The following ST6GALNAC5 variants were observed in gnomAD, a reference collection of about 807,000 sequenced individuals.
ST6GALNAC5 encodes alpha-N-acetylgalactosaminide alpha-2,6-sialyltransferase 5.
ST6GALNAC5 carries 27 observed loss-of-function variants against 33.6 expected under a neutral mutation model. The observed-to-expected ratio is 0.80, with a 90% CI of 0.59 to 1.11. ST6GALNAC5 has a LOEUF of 1.11. ST6GALNAC5 is among the 50% of genes least tolerant of loss of function. The pLI, the probability that ST6GALNAC5 is intolerant of heterozygous loss-of-function variation, is 0.00. For missense variants in ST6GALNAC5, 428 were observed against 454.0 expected (o/e 0.94, Z 0.52); for synonymous variants, 194 against 171.2 (o/e 1.13, Z -1.04).
chr1:76,879,653 C>G (rs1010567806), intron 2 of ST6GALNAC5, among the ~76,000 whole-genome samples: 1 of 152,100 alleles, frequency 6.6e-6, no homozygotes, highest in African/African-American at 2.4e-5. Flanking sequence ...CTCAGGGAGG[C>G]CATCACTGTT....
At chr1:76,878,117 A>G (rs763534295) in intron 2 of ST6GALNAC5, among the ~76,000 whole-genome samples, 8 of 152,196 alleles carry the variant, frequency 5.3e-5, no homozygotes, top group Non-Finnish European at 8.8e-5. Context: ...CCACCTCTGC[A>G]TCTTTCAAGT....
chr1:76,872,824 T>C (rs893590411), intron 2 of ST6GALNAC5, among the ~76,000 whole-genome samples: 1 of 152,158 alleles, frequency 6.6e-6, no homozygotes, highest in Non-Finnish European at 1.5e-5. Context: ...TATTATAAGA[T>C]GTAATCTGCC....
chr1:76,904,213 A>T (rs1035003999), intron 2 of ST6GALNAC5, among the ~76,000 whole-genome samples: 1 of 152,154 alleles, frequency 6.6e-6, no homozygotes, highest in Non-Finnish European at 1.5e-5. Context: ...AGAAGGGTGA[A>T]AGTCTACTAC....
At chr1:77,048,896 T>A (rs1458298710) in intron 3 of ST6GALNAC5, among the ~76,000 whole-genome samples, 1 of 152,188 alleles carries the variant, frequency 6.6e-6, no homozygotes, top group Non-Finnish European at 1.5e-5. Flanking sequence ...AACAATAACT[T>A]GCCTCAGGTC....
intron 2 of ST6GALNAC5, among the ~76,000 whole-genome samples, chr1:76,903,378 TAAC>T (rs992286774): frequency 1.1e-4 from 16 of 152,116 alleles, no homozygotes; most frequent in African/African-American, 3.6e-4. Flanking sequence ...GAAAAAAATA[TAAC>T]AACAACTTTT....
intron 2 of ST6GALNAC5, among the ~76,000 whole-genome samples, chr1:76,874,730 T>C (rs983812056): frequency 1.4e-4 from 21 of 152,136 alleles, no homozygotes; most frequent in African/African-American, 5.1e-4. Flanking sequence ...GACTCAAATG[T>C]TAATCCCTTT....
chr1:77,063,253 C>G lies in ST6GALNAC5; in HGVS notation c.*47C>G, dbSNP rs749506907. On this transcript the variant is annotated 3_prime_UTR_variant, in exon 5 of 5. Coordinates refer to ENST00000477717, the MANE Select transcript of ST6GALNAC5 (RefSeq NM_030965.3). ...AATCCCAGGTATTCACTGCATCAGACACCGAGACACTGAACTTCCTGAGCC... is the reference window on the plus strand; with the variant it reads ...AATCCCAGGTATTCACTGCATCAGAGACCGAGACACTGAACTTCCTGAGCC... 8.4e-6 allele frequency: 13 copies of G among 1,545,384 alleles called. No individual in the cohort carries two copies. The East Asian group carries it at 2.9e-4, about 35-fold the overall frequency.
intron 2 of ST6GALNAC5, among the ~76,000 whole-genome samples, chr1:76,974,340 G>T (rs1254195176): frequency 6.6e-6 from 1 of 150,966 alleles, no homozygotes; most frequent in Non-Finnish European, 1.5e-5. Flanking sequence ...CAAGTAACTA[G>T]GATTATAGAC....
At chr1:76,922,799 G>A (rs1213780970) in intron 2 of ST6GALNAC5, among the ~76,000 whole-genome samples, 1 of 151,974 alleles carries the variant, frequency 6.6e-6, no homozygotes, top group Non-Finnish European at 1.5e-5. Context: ...AGCTGGGTAT[G>A]GTGACACGCA....
intron 2 of ST6GALNAC5, among the ~76,000 whole-genome samples, chr1:76,949,799 T>C (rs1440458870): frequency 6.6e-6 from 1 of 152,132 alleles, no homozygotes; most frequent in Admixed American, 6.6e-5. Context: ...TTTTCGTTTT[T>C]TTCTATAACT....
chr1:76,943,044 AAATTC>A (rs938369519), intron 2 of ST6GALNAC5, among the ~76,000 whole-genome samples: 13 of 152,080 alleles, frequency 8.5e-5, no homozygotes, highest in Admixed American at 7.9e-4. Context: ...CTTGACTAAC[AAATTC>A]CCATTCTTTC....
In ST6GALNAC5 at chr1:77,067,157, C is replaced by T. The variant is rs1652806205; in HGVS notation, c.*3951C>T. On this transcript the variant is annotated 3_prime_UTR_variant, in exon 5 of 5. Transcript: ENST00000477717. Reference sequence around the variant, plus strand: ...TCAAAGAGAACTATAATAATAAGCCCTGGGGGGCAGGATGTGTGAACCAAT... The same window carrying T: ...TCAAAGAGAACTATAATAATAAGCCTTGGGGGGCAGGATGTGTGAACCAAT... Among the ~76,000 whole-genome samples, 1 of 125,202 alleles carries T rather than the reference C, an allele frequency of 8.0e-6. No homozygotes were observed. Among genetic ancestry groups the T allele is most frequent in the Admixed American group, 8.5e-5 (1 of 11,784 alleles). The allele number at this position is 125,202 out of a possible 152,430, so 82.1% of individuals were successfully genotyped here.
At chr1:77,048,296 G>T (rs189611723) in intron 3 of ST6GALNAC5, among the ~76,000 whole-genome samples, 3 of 152,154 alleles carry the variant, frequency 2.0e-5, no homozygotes, top group Non-Finnish European at 4.4e-5. Context: ...GGGAATATAA[G>T]TGTGATTCCC....
chr1:76,975,717 A>G (rs1259336982), intron 2 of ST6GALNAC5, among the ~76,000 whole-genome samples: 2 of 152,238 alleles, frequency 1.3e-5, no homozygotes, highest in Non-Finnish European at 2.9e-5. Flanking sequence ...TAAACATGAG[A>G]AAATTTAAAT....
At chr1:76,937,738 G>T (rs1647226394) in intron 2 of ST6GALNAC5, among the ~76,000 whole-genome samples, 1 of 152,076 alleles carries the variant, frequency 6.6e-6, no homozygotes, top group South Asian at 2.1e-4. Flanking sequence ...AGGAGCACAT[G>T]AAAGAAACAC....
chr1:77,031,618 C>A (rs1469213240), intron 2 of ST6GALNAC5, among the ~76,000 whole-genome samples: 4 of 152,070 alleles, frequency 2.6e-5, no homozygotes, highest in Non-Finnish European at 5.9e-5. Flanking sequence ...AGTATTTGCT[C>A]CAAATTAAAT....
In ST6GALNAC5 at chr1:76,949,250, T is replaced by A. The variant is rs144759484; in HGVS notation, c.261+80508T>A. Among the ~76,000 whole-genome samples, 40 of 152,266 alleles carry A rather than the reference T, an allele frequency of 2.6e-4. No individual in the cohort carries two copies. The South Asian group carries it at 3.7e-3, about 14-fold the overall frequency. On this transcript the variant is annotated intron_variant, in intron 2 of 4. Coordinates refer to ENST00000477717, the MANE Select transcript of ST6GALNAC5 (RefSeq NM_030965.3). ...TCTCATGAGTGTTAAGAACTGGGAATTCGTTTCTTCCCGAGGCCAATTCTC... is the reference window on the plus strand; with the variant it reads ...TCTCATGAGTGTTAAGAACTGGGAAATCGTTTCTTCCCGAGGCCAATTCTC...
chr1:76,911,623 C>T (rs1646913643), intron 2 of ST6GALNAC5, among the ~76,000 whole-genome samples: 1 of 152,018 alleles, frequency 6.6e-6, no homozygotes, highest in Admixed American at 6.6e-5. Context: ...ATTTCAGATC[C>T]TGTTATTGGT....
At chr1:76,935,643 T>A (rs1647194165) in intron 2 of ST6GALNAC5, among the ~76,000 whole-genome samples, 1 of 151,980 alleles carries the variant, frequency 6.6e-6, no homozygotes, top group African/African-American at 2.4e-5. Context: ...TTTTTCCTCA[T>A]AAAGGGGAAA....
Sources: gnomAD v4.1 joint callset for allele counts (sites outside exome capture counted in the v4.1 genomes callset) on GRCh38, gnomAD v4.1.1 for gene constraint, MANE v1.5 for transcripts, NCBI Gene and HGNC (gene_info 2026-07-23, HGNC 2026-07-21) for gene names.